The following GNAZ variants were observed in gnomAD, a reference collection of about 807,000 sequenced individuals.
The protein encoded by GNAZ is guanine nucleotide-binding protein G(z) subunit alpha.
GNAZ carries 3 observed loss-of-function variants against 25.4 expected under a neutral mutation model. That is an observed-to-expected ratio of 0.12 (90% CI 0.05 to 0.30). The LOEUF (loss-of-function observed/expected upper bound fraction) is 0.30. GNAZ is among the 10% of genes least tolerant of loss of function. The pLI, the probability that GNAZ is intolerant of heterozygous loss-of-function variation, is 1.00. For missense variants in GNAZ, 241 were observed against 501.8 expected (o/e 0.48, Z 4.97); for synonymous variants, 211 against 205.7 (o/e 1.03, Z -0.22).
rs2146314247 is a variant in GNAZ, at chr22:23,095,312, C to T, written c.-384C>T. ...CTGCAGGGAGCACACCAGCGACCGG[C>T]CCTCCAACCCTCCAGCCACTCAGCA... On this transcript the variant is annotated 5_prime_UTR_variant, in exon 2 of 3. Coordinates refer to ENST00000615612, the MANE Select transcript of GNAZ (RefSeq NM_002073.4). The T allele has an allele frequency of 4.1e-6, 1 of 243,900 alleles. No homozygotes were observed. Among genetic ancestry groups the T allele is most frequent in the East Asian group, 1.1e-4 (1 of 9,436 alleles). 15.1% of individuals were successfully genotyped at this position (243,900 alleles called of 1,614,324 possible).
chr22:23,078,353 C>T (rs989519410), intron 1 of GNAZ, among the ~76,000 whole-genome samples: 2 of 152,226 alleles, frequency 1.3e-5, no homozygotes, highest in Non-Finnish European at 2.9e-5. Context: ...TATGATAACA[C>T]CACGCACGCA....
intron 2 of GNAZ, among the ~76,000 whole-genome samples, chr22:23,102,162 C>A (rs1210951724): frequency 7.2e-5 from 11 of 152,238 alleles, no homozygotes; most frequent in African/African-American, 2.7e-4. Context: ...TCAGCCTTAA[C>A]TGGGGCTGCG....
At chr22:23,110,268 C>T (rs759961083) in intron 2 of GNAZ, among the ~76,000 whole-genome samples, 21 of 152,112 alleles carry the variant, frequency 1.4e-4, no homozygotes, top group East Asian at 1.4e-3. Context: ...TTTTGAGCCT[C>T]GTGAGCCCAG....
intron 1 of GNAZ, among the ~76,000 whole-genome samples, chr22:23,079,250 G>A (rs1477917395): frequency 2.0e-5 from 3 of 152,224 alleles, no homozygotes; most frequent in Non-Finnish European, 4.4e-5. Context: ...GAATATGGGG[G>A]TCATTTTCCA....
intron 2 of GNAZ, among the ~76,000 whole-genome samples, chr22:23,103,503 C>T (rs958612171): frequency 2.0e-5 from 3 of 152,190 alleles, no homozygotes; most frequent in Admixed American, 1.3e-4. Context: ...ACCCTGTGGC[C>T]GCGTGGGTTG....
chr22:23,088,847 T>A (rs2068885876), intron 1 of GNAZ, among the ~76,000 whole-genome samples: 1 of 152,176 alleles, frequency 6.6e-6, no homozygotes, highest in Non-Finnish European at 1.5e-5. Flanking sequence ...CTGGGCTGCC[T>A]GCCACCTCTT....
chr22:23,085,231 C>A (rs1000551832), intron 1 of GNAZ, among the ~76,000 whole-genome samples: 4 of 152,216 alleles, frequency 2.6e-5, no homozygotes, highest in African/African-American at 9.6e-5. Context: ...ACATTTTTCT[C>A]TGTGTCCTCT....
intron 2 of GNAZ, among the ~76,000 whole-genome samples, chr22:23,115,732 G>T (rs2069812573): frequency 6.6e-6 from 1 of 152,212 alleles, no homozygotes; most frequent in Non-Finnish European, 1.5e-5. Flanking sequence ...GGGGGCCGGG[G>T]CTCATGTTTG....
At chr22:23,086,499 T>C (rs1415610246) in intron 1 of GNAZ, among the ~76,000 whole-genome samples, 1 of 152,212 alleles carries the variant, frequency 6.6e-6, no homozygotes, top group East Asian at 1.9e-4. Flanking sequence ...CCTGGGCACC[T>C]TCCTCTCCTC....
At chr22:23,103,363 G>A (rs1318961647) in intron 2 of GNAZ, among the ~76,000 whole-genome samples, 1 of 152,204 alleles carries the variant, frequency 6.6e-6, no homozygotes, top group Non-Finnish European at 1.5e-5. Context: ...ATGGCGGGGA[G>A]AGTCTGCCAG....
At chr22:23,106,381 C>T (rs1320942990) in intron 2 of GNAZ, among the ~76,000 whole-genome samples, 1 of 152,240 alleles carries the variant, frequency 6.6e-6, no homozygotes, top group Admixed American at 6.5e-5. Flanking sequence ...GAGAGCTCTG[C>T]CCAGTGGGTG....
intron 2 of GNAZ, among the ~76,000 whole-genome samples, chr22:23,108,191 C>T (rs757403884): frequency 2.0e-5 from 3 of 152,250 alleles, no homozygotes; most frequent in South Asian, 2.1e-4. Context: ...CCACACCAAA[C>T]GCCTGCAGCA....
At position 23,124,212 on chromosome 22, in the gene GNAZ, T is replaced by G. The variant is rs1316524893; in HGVS notation, c.*781T>G. ...GACATTTTTTTTTTGTTTTGTTTTT[T>G]GGTTTTTTTTTTTTTTTGGCCAAAT... is the stretch of plus-strand genomic sequence containing the variant. On this transcript the variant is annotated 3_prime_UTR_variant, in exon 3 of 3. Coordinates refer to ENST00000615612, the MANE Select transcript of GNAZ (RefSeq NM_002073.4). 4.7e-6 allele frequency: 1 copy of G among 212,050 alleles called. No homozygotes were observed. Among genetic ancestry groups the G allele is most frequent in the African/African-American group, 2.4e-5 (1 of 41,002 alleles). The allele number at this position is 212,050 out of a possible 1,614,324, so 13.1% of individuals were successfully genotyped here.
Position 23,123,436 on chromosome 22 carries a change from C to T in GNAZ, c.*5C>T. 1.3e-6 allele frequency: 2 copies of T among 1,593,946 alleles called. No individual in the cohort carries two copies. Among genetic ancestry groups the T allele is most frequent in the Non-Finnish European group, 1.7e-6 (2 of 1,164,624 alleles). ...AAGTACATTGGCCTTTGCTGAGGAGCTGGGCCCGGGGCCCGCCTGCCTATG... is the reference window on the plus strand; with the variant it reads ...AAGTACATTGGCCTTTGCTGAGGAGTTGGGCCCGGGGCCCGCCTGCCTATG... On this transcript the variant is annotated 3_prime_UTR_variant, in exon 3 of 3. Coordinates refer to ENST00000615612, the MANE Select transcript of GNAZ (RefSeq NM_002073.4).
chr22:23,105,725 T>C (rs1407389190), intron 2 of GNAZ, among the ~76,000 whole-genome samples: 12 of 152,348 alleles, frequency 7.9e-5, no homozygotes, highest in Middle Eastern at 3.4e-3. Context: ...AACACACCTG[T>C]ATCATGCTGT....
At chr22:23,082,134 A>C (rs1019952020) in intron 1 of GNAZ, among the ~76,000 whole-genome samples, 20 of 119,424 alleles carry the variant, frequency 1.7e-4, no homozygotes, top group Non-Finnish European at 3.1e-4. Flanking sequence ...CAAAAAAAAA[A>C]CAAAAAAAAA....
chr22:23,120,903 A>C (rs554660524), intron 2 of GNAZ, among the ~76,000 whole-genome samples: 1 of 152,222 alleles, frequency 6.6e-6, no homozygotes, highest in African/African-American at 2.4e-5. Flanking sequence ...CATATCTGTT[A>C]TTTAACTGAT....
At position 23,124,314 on chromosome 22, in the gene GNAZ, A is replaced by G. The variant is rs149171108; in HGVS notation, c.*883A>G. 9.4e-5 allele frequency: 34 copies of G among 359,852 alleles called. No homozygotes were observed. The East Asian group carries it at 3.2e-3, about 34-fold the overall frequency. The allele number at this position is 359,852 out of a possible 1,614,324, so 22.3% of individuals were successfully genotyped here. ...ATTCTTTTTTAAATGCAGATTTTCA[A>G]AACATATTTTTTTTCAGGTGGTCTT... On this transcript the variant is annotated 3_prime_UTR_variant, in exon 3 of 3. Coordinates refer to ENST00000615612, the MANE Select transcript of GNAZ (RefSeq NM_002073.4).
chr22:23,087,465 A>G (rs913422674), intron 1 of GNAZ, among the ~76,000 whole-genome samples: 28 of 152,216 alleles, frequency 1.8e-4, no homozygotes, highest in African/African-American at 5.8e-4. Flanking sequence ...AAATGCCTCA[A>G]TTGAGCTTAT....
Sources: gnomAD v4.1 joint callset for allele counts (sites outside exome capture counted in the v4.1 genomes callset) on GRCh38, gnomAD v4.1.1 for gene constraint, MANE v1.5 for transcripts, NCBI Gene and HGNC (gene_info 2026-07-23, HGNC 2026-07-21) for gene names.